OSBP2: variants seen among roughly 807,000 people sequenced by gnomAD.
The protein encoded by OSBP2 is oxysterol binding protein 2.
OSBP2 carries 66 observed loss-of-function variants against 96.0 expected under a neutral mutation model. The ratio of observed to expected loss-of-function variants is 0.69; its 90% CI spans 0.56 to 0.84. The LOEUF is 0.84. OSBP2 is among the 40% of genes least tolerant of loss of function. The pLI, the probability that OSBP2 is intolerant of heterozygous loss-of-function variation, is 0.00. For synonymous variants in OSBP2, 525 were observed against 520.9 expected, an observed-to-expected ratio of 1.01 and a Z score of -0.11; for missense variants, 1,038 against 1,222.7, an observed-to-expected ratio of 0.85 and a Z score of 2.25.
chr22:30,812,988 T>C (rs1027320005), intron 2 of OSBP2, among the ~76,000 whole-genome samples: 1 of 152,200 alleles, frequency 6.6e-6, no homozygotes, highest in African/African-American at 2.4e-5. Context: ...TTATTCTAGC[T>C]ATGGTTATTT....
intron 1 of OSBP2, among the ~76,000 whole-genome samples, chr22:30,730,809 A>ATATATATATATATATTAT (rs1569100787): frequency 1.4e-4 from 3 of 21,266 alleles, no homozygotes; most frequent in African/African-American, 3.9e-4. Context: ...TATATATATA[A>ATATATATATATATATTAT]TTTTTTTTTT....
At chr22:30,906,119 G>A in intron 13 of OSBP2, 50 bp downstream of exon 13, 1 of 1,606,934 alleles carries the variant, frequency 6.2e-7, no homozygotes. Flanking sequence ...GGGGTGCCCG[G>A]GTGGGGGTGC....
intron 2 of OSBP2, among the ~76,000 whole-genome samples, chr22:30,776,071 C>T (rs1369642624): frequency 1.3e-5 from 2 of 151,470 alleles, no homozygotes; most frequent in African/African-American, 4.9e-5. Flanking sequence ...GTTAGGATTA[C>T]AGGGGTGAGC....
In OSBP2 at chr22:30,906,462, C is replaced by A; in HGVS notation, c.*123C>A. On this transcript the variant is annotated 3_prime_UTR_variant, in exon 14 of 14. Coordinates refer to ENST00000332585, the MANE Select transcript of OSBP2 (RefSeq NM_030758.4). ...TTCCCAGCCCTTCCTATTTCCTTTCCTATTTTTTTTTTCTCCCCACACTTT... is the reference window on the plus strand; with the variant it reads ...TTCCCAGCCCTTCCTATTTCCTTTCATATTTTTTTTTTCTCCCCACACTTT... 1 of 1,252,126 alleles carries A rather than the reference C, an allele frequency of 8.0e-7. No individual in the cohort carries two copies. The allele number at this position is 1,252,126 out of a possible 1,614,324, so 77.6% of individuals were successfully genotyped here.
At chr22:30,701,648 T>C (rs761494286) in intron 1 of OSBP2, among the ~76,000 whole-genome samples, 1 of 152,130 alleles carries the variant, frequency 6.6e-6, no homozygotes, top group Non-Finnish European at 1.5e-5. Flanking sequence ...CAGCCTTCAA[T>C]GTCAATTTTG....
chr22:30,889,517 A>G lies in OSBP2; in HGVS notation c.1504A>G (p.Lys502Glu). The change falls in exon 7 of 14, where the codon AAG becomes GAG. Residue 502 changes from lysine to glutamate, a missense_variant. Transcript: ENST00000332585. ...ACTAGATGGTGCCTCGCTCGTGCCC[A>G]AGGGTTCATCCAAAGTCAAGAGGCG... ...NVLDGASLVP[K>E]GSSKVKRRVR... The G allele has an allele frequency of 6.2e-7, 1 of 1,614,052 alleles. No homozygotes were observed.
At chr22:30,712,767 G>T (rs960500739) in intron 1 of OSBP2, among the ~76,000 whole-genome samples, 2 of 151,980 alleles carry the variant, frequency 1.3e-5, no homozygotes, top group African/African-American at 4.8e-5. Context: ...TGTATCTTGG[G>T]GTCATTATGG....
chr22:30,818,966 G>A lies in OSBP2; in HGVS notation c.854-51463G>A, dbSNP rs192480065. On this transcript the variant is annotated intron_variant, in intron 2 of 13. Coordinates refer to ENST00000332585, the MANE Select transcript of OSBP2 (RefSeq NM_030758.4). ...TTTGGGGTAAGTGAACCTCAGGAAG[G>A]TTTCAGAGTTGGTGCACTTGGTTTT... Among the ~76,000 whole-genome samples the A allele has an allele frequency of 7.0e-4, 107 of 152,334 alleles. 2 individuals carry two copies. In the East Asian group the frequency reaches 0.014, roughly 21 times the overall value.
At position 30,881,554 on chromosome 22, in the gene OSBP2, C is replaced by A; in HGVS notation, c.1108-5872C>A. 1 of 731,948 alleles carries A rather than the reference C, an allele frequency of 1.4e-6. No individual in the cohort carries two copies. Among genetic ancestry groups the A allele is most frequent in the Non-Finnish European group, 1.9e-6 (1 of 513,424 alleles). 45.3% of individuals were successfully genotyped at this position (731,948 alleles called of 1,614,324 possible). ...GTCACACAGCCTCAGAGAAATGAGA[C>A]CACGTTCAGGCCTGGGCTGGGTCAG... On this transcript the variant is annotated intron_variant, in intron 3 of 13. Transcript: ENST00000332585. The surrounding 1 kb of genome is among the most constrained non-coding windows in gnomAD (Gnocchi z 4.5).
At chr22:30,824,874 G>A (rs1307876093) in intron 2 of OSBP2, among the ~76,000 whole-genome samples, 1 of 152,166 alleles carries the variant, frequency 6.6e-6, no homozygotes, top group African/African-American at 2.4e-5. Context: ...GTATGGAGGT[G>A]CATCACATGG....
chr22:30,696,692 C>T (rs865998230), intron 1 of OSBP2, among the ~76,000 whole-genome samples: 4 of 152,218 alleles, frequency 2.6e-5, no homozygotes, highest in South Asian at 2.1e-4. Flanking sequence ...ATTGCTCTGT[C>T]GCCCAGGCTG....
At chr22:30,815,735 T>C (rs927582006) in intron 2 of OSBP2, among the ~76,000 whole-genome samples, 9 of 152,214 alleles carry the variant, frequency 5.9e-5, no homozygotes, top group Admixed American at 1.3e-4. Flanking sequence ...TTCTCTTTTT[T>C]CTTTTTTTTA....
chr22:30,755,801 C>T (rs1329612563), intron 2 of OSBP2, among the ~76,000 whole-genome samples: 1 of 152,194 alleles, frequency 6.6e-6, no homozygotes, highest in Non-Finnish European at 1.5e-5. Flanking sequence ...CCCTCTTCAG[C>T]GTTCCCCTCC....
chr22:30,861,462 A>G (rs2039209157), intron 2 of OSBP2, among the ~76,000 whole-genome samples: 1 of 152,194 alleles, frequency 6.6e-6, no homozygotes, highest in African/African-American at 2.4e-5. Flanking sequence ...ATGAGGAGAG[A>G]GGGGCCTACG....
intron 2 of OSBP2, among the ~76,000 whole-genome samples, chr22:30,858,890 A>ATAAT (rs1491226106): frequency 6.7e-6 from 1 of 149,214 alleles, no homozygotes; most frequent in Non-Finnish European, 1.5e-5. Flanking sequence ...AATAATAATA[A>ATAAT]TAATAATAAT....
chr22:30,715,967 A>C (rs1387338676), intron 1 of OSBP2, among the ~76,000 whole-genome samples: 1 of 149,586 alleles, frequency 6.7e-6, no homozygotes, highest in Non-Finnish European at 1.5e-5. Flanking sequence ...ATCCCACCTC[A>C]GCCTCCCGAA....
At position 30,905,888 on chromosome 22, in the gene OSBP2, C is replaced by G. The variant is rs759975214; in HGVS notation, c.2427C>G (p.Asn809Lys). Residue 809 changes from asparagine (N) to lysine (K), a missense_variant, in exon 13 of 14, where the codon AAC becomes AAG. Around this residue, in one of 3 missense-constraint regions of OSBP2, gnomAD observed 737 missense variants for 913.3 expected, o/e 0.81. Coordinates refer to ENST00000332585, the MANE Select transcript of OSBP2 (RefSeq NM_030758.4). ...YYFSELALTL[N>K]EHEEGVAPTD... ...TCTCAGAGCTGGCCCTGACCCTCAA[C>G]GAGCACGAGGAGGGCGTAGCGCCAA... 5 of 1,613,320 alleles carry G rather than the reference C, an allele frequency of 3.1e-6. No individual in the cohort carries two copies. In the Admixed American group the frequency reaches 8.3e-5, roughly 27 times the overall value.
intron 1 of OSBP2, among the ~76,000 whole-genome samples, chr22:30,714,641 C>T (rs983335505): frequency 6.6e-6 from 1 of 152,078 alleles, no homozygotes; most frequent in Non-Finnish European, 1.5e-5. Flanking sequence ...TTATTTGAGA[C>T]GGAGTTTCAC....
chr22:30,717,940 G>T (rs990366469), intron 1 of OSBP2, among the ~76,000 whole-genome samples: 2 of 152,180 alleles, frequency 1.3e-5, no homozygotes, highest in African/African-American at 4.8e-5. Flanking sequence ...AAAACACATT[G>T]CCCAGTGGTG....
Sources: allele counts gnomAD v4.1 joint callset (sites outside exome capture counted in the v4.1 genomes callset), GRCh38; gene constraint gnomAD v4.1.1; regional missense constraint gnomAD v4.1.1; non-coding constraint Gnocchi (gnomAD v3.1); transcripts MANE v1.5; gene names NCBI Gene and HGNC (gene_info 2026-07-23, HGNC 2026-07-21).